ZNF106: variants seen among roughly 807,000 people sequenced by gnomAD.
The protein encoded by ZNF106 is SH3-domain binding protein 3.
A neutral mutation model predicts 195.1 loss-of-function variants in ZNF106; 67 were observed. The observed-to-expected ratio is 0.34, with a 90% CI of 0.28 to 0.42. The LOEUF is 0.42. Ranked by LOEUF, ZNF106 falls within the 10% of genes least tolerant of loss-of-function variation. The pLI, the probability that ZNF106 is intolerant of heterozygous loss-of-function variation, is 1.00. For missense variants in ZNF106, 2,118 were observed against 2,304.5 expected (o/e 0.92, Z 1.66); for synonymous variants, 784 against 818.6 (o/e 0.96, Z 0.72).
In ZNF106 at chr15:42,450,812, G is replaced by C. The variant is rs934390551; in HGVS notation, c.1460C>G (p.Ser487Cys). The C allele has an allele frequency of 6.2e-7, 1 of 1,614,194 alleles. No homozygotes were observed. Among genetic ancestry groups the C allele is most frequent in the East Asian group, 2.2e-5 (1 of 44,892 alleles). The change falls in exon 5 of 22, where the codon TCT becomes TGT. Residue 487 changes from serine (S) to cysteine (C), a missense_variant. Transcript: ENST00000564754. ...LLPCPATKSL[S>C]QKQDPKNISK... Reference sequence around the variant, plus strand: ...GATATTCTTTGGATCTTGCTTTTGAGACAATGATTTAGTGGCTGGACATGG... The same window carrying C: ...GATATTCTTTGGATCTTGCTTTTGACACAATGATTTAGTGGCTGGACATGG...
At chr15:42,431,990 T>C in intron 14 of ZNF106, among the ~76,000 whole-genome samples, 1 of 152,238 alleles carries the variant, frequency 6.6e-6, no homozygotes, top group Non-Finnish European at 1.5e-5. Context: ...GGGTTGTTAA[T>C]GTCCCCAACT....
At chr15:42,452,347 A>T (rs900384418) in intron 4 of ZNF106, among the ~76,000 whole-genome samples, 1 of 151,862 alleles carries the variant, frequency 6.6e-6, no homozygotes, top group Non-Finnish European at 1.5e-5. Flanking sequence ...ACATGGAGAA[A>T]CCCCATCTCT....
In ZNF106 at chr15:42,439,153, G is replaced by C. The variant is rs2055400403; in HGVS notation, c.4424C>G (p.Ser1475Cys). Residue 1475 changes from serine to cysteine, a missense_variant, in exon 11 of 22, where the codon TCT becomes TGT. By Grantham distance (112) the Ser-to-Cys change is moderately radical. Transcript: ENST00000564754. Reference protein sequence around the residue: ...ESGEEKPDSPSKKDIWNSTEQ... With the variant: ...ESGEEKPDSPCKKDIWNSTEQ... ...TGTAGAGTTCCAAATATCCTTTTTAGATGGGCTGTCTGGTTTCTCTTCTCC... is the reference window on the plus strand; with the variant it reads ...TGTAGAGTTCCAAATATCCTTTTTACATGGGCTGTCTGGTTTCTCTTCTCC... 1 of 1,613,902 alleles carries C rather than the reference G, an allele frequency of 6.2e-7. No homozygotes were observed. Among genetic ancestry groups the C allele is most frequent in the Non-Finnish European group, 8.5e-7 (1 of 1,180,020 alleles).
In ZNF106 at chr15:42,472,248, G is replaced by A. The variant is rs147675213; in HGVS notation, c.42C>T (p.Tyr14=). Residue 14 remains tyrosine (Y), a synonymous_variant, in exon 2 of 22, where the codon TAC becomes TAT. Transcript: ENST00000564754. The part of the protein sequence containing the change: ...ERKCILCHIV[Y]SSKKEMDEHM... The stretch of plus-strand genomic sequence containing the variant: ...CTTCCATTATTACCTTTTTTGAGCT[G>A]TACACGATGTGGCATAATATGCATT... The A allele has an allele frequency of 4.3e-5, 66 of 1,535,468 alleles. 1 individual carries two copies. In the East Asian group the frequency reaches 8.1e-4, roughly 19 times the overall value.
At chr15:42,452,037 G>GT in intron 4 of ZNF106, 83 bp from the exon 5 acceptor site, 1 of 1,441,632 alleles carries the variant, frequency 6.9e-7, no homozygotes, top group Non-Finnish European at 9.3e-7. Context: ...AACTTCCCTT[G>GT]TACTTTCCTC....
intron 1 of ZNF106, among the ~76,000 whole-genome samples, chr15:42,482,240 G>A (rs2141453430): frequency 6.6e-6 from 1 of 152,038 alleles, no homozygotes; most frequent in East Asian, 1.9e-4. Context: ...AGTTATAAAA[G>A]TTTAAAATCA....
chr15:42,420,789 AT>A (rs1026859656), intron 20 of ZNF106, among the ~76,000 whole-genome samples: 1 of 152,208 alleles, frequency 6.6e-6, no homozygotes, highest in Non-Finnish European at 1.5e-5. Context: ...GTAATCTCTG[AT>A]GAGCGGGAGT....
chr15:42,433,561 A>G (rs2055147287), intron 14 of ZNF106, among the ~76,000 whole-genome samples: 1 of 143,144 alleles, frequency 7.0e-6, no homozygotes, highest in Non-Finnish European at 1.5e-5. Context: ...TGGCTCACTG[A>G]AATCTCTGCC....
chr15:42,477,649 G>C (rs1318063279), intron 1 of ZNF106, among the ~76,000 whole-genome samples: 1 of 152,226 alleles, frequency 6.6e-6, no homozygotes, highest in Non-Finnish European at 1.5e-5. Flanking sequence ...AACACTTTGG[G>C]AGGCTGAGGC....
At chr15:42,431,007 C>T (rs1397038275) in intron 14 of ZNF106, among the ~76,000 whole-genome samples, 2 of 151,986 alleles carry the variant, frequency 1.3e-5, no homozygotes, top group African/African-American at 2.4e-5. Flanking sequence ...ATTAAAACCA[C>T]GAATTTCCCT....
rs2055784371 is a variant in ZNF106, at chr15:42,446,660, T to G, written c.3136-2A>C. On this transcript the variant is annotated splice_acceptor_variant, in intron 6 of 21. Transcript: ENST00000564754. LOFTEE classifies it high-confidence loss of function. ...TGGGAGTTCAGGAGAAGATCCATCC[T>G]GGAAGGATAAAGAAAACTGAATAAA... The G allele has an allele frequency of 6.3e-7, 1 of 1,598,764 alleles. No individual in the cohort carries two copies. Among genetic ancestry groups the G allele is most frequent in the South Asian group, 1.1e-5 (1 of 88,462 alleles).
At chr15:42,469,579 T>C (rs1338202270) in intron 2 of ZNF106, among the ~76,000 whole-genome samples, 1 of 152,174 alleles carries the variant, frequency 6.6e-6, no homozygotes, top group Non-Finnish European at 1.5e-5. Flanking sequence ...GGCTCACACC[T>C]GTAATTACGC....
chr15:42,431,856 C>T (rs2055058892), intron 14 of ZNF106, among the ~76,000 whole-genome samples: 1 of 152,070 alleles, frequency 6.6e-6, no homozygotes, highest in Admixed American at 6.6e-5. Flanking sequence ...TCAAGTGATC[C>T]ACCCGCCTCA....
chr15:42,439,482 T>C lies in ZNF106; in HGVS notation c.4095A>G (p.Thr1365=). Residue 1365 remains threonine (T), a synonymous_variant, in exon 11 of 22, where the codon ACA becomes ACG. Coordinates refer to ENST00000564754, the MANE Select transcript of ZNF106 (RefSeq NM_001366845.3). ...TCTTGCTTCCCCTAGTCTCAGCTGA[T>C]GTCAAAGTGGATTCTGCCTGTTGTT... is the stretch of plus-strand genomic sequence containing the variant. ...QPEQQAESTL[T]SAETRGSKKK... 6.2e-7 allele frequency: 1 copy of C among 1,614,154 alleles called. No homozygotes were observed. Among genetic ancestry groups the C allele is most frequent in the Non-Finnish European group, 8.5e-7 (1 of 1,180,030 alleles).
intron 15 of ZNF106, among the ~76,000 whole-genome samples, chr15:42,426,179 C>A (rs1008728595): frequency 6.6e-6 from 1 of 152,150 alleles, no homozygotes; most frequent in Non-Finnish European, 1.5e-5. Context: ...TGTTGTGACT[C>A]CAGAAGCACT....
chr15:42,415,505 A>G lies in ZNF106; in HGVS notation c.*1799T>C, dbSNP rs148042984. On this transcript the variant is annotated 3_prime_UTR_variant, in exon 22 of 22. Transcript: ENST00000564754. Reference sequence around the variant, plus strand: ...GAAAAAAGAACACATACTCAGTCTCACACACAATTTCTGGGGGCTCACAGA... The same window carrying G: ...GAAAAAAGAACACATACTCAGTCTCGCACACAATTTCTGGGGGCTCACAGA... 1.1e-5 allele frequency: 5 copies of G among 455,036 alleles called. No individual in the cohort carries two copies. The highest frequency in any genetic ancestry group is 7.8e-5 in the South Asian group (5 of 64,224). The allele number at this position is 455,036 out of a possible 1,614,324, so 28.2% of individuals were successfully genotyped here.
Position 42,459,332 on chromosome 15 carries a change from C to T in ZNF106, c.117-2174G>A, listed in dbSNP as rs536637710. Reference sequence around the variant, plus strand: ...CTCTACTAAAAATACAAAAATTAGACGGGCATGGTGGCGGGCACCTGTAAT... The same window carrying T: ...CTCTACTAAAAATACAAAAATTAGATGGGCATGGTGGCGGGCACCTGTAAT... On this transcript the variant is annotated intron_variant, in intron 3 of 21. Coordinates refer to ENST00000564754, the MANE Select transcript of ZNF106 (RefSeq NM_001366845.3). Among the ~76,000 whole-genome samples the T allele has an allele frequency of 7.2e-5, 11 of 151,998 alleles. No individual in the cohort carries two copies. The South Asian group carries it at 8.3e-4, about 11-fold the overall frequency.
At chr15:42,452,628 T>C (rs182073408) in intron 4 of ZNF106, among the ~76,000 whole-genome samples, 1 of 152,138 alleles carries the variant, frequency 6.6e-6, no homozygotes. Flanking sequence ...ATTATTTTTG[T>C]ATTATGCAGG....
At chr15:42,464,107 C>T (rs975436051) in intron 3 of ZNF106, among the ~76,000 whole-genome samples, 2 of 147,548 alleles carry the variant, frequency 1.4e-5, no homozygotes, top group Admixed American at 6.6e-5. Context: ...TTTGGGAGGC[C>T]GAGGCGGGCA....
Sources: allele counts gnomAD v4.1 joint callset (sites outside exome capture counted in the v4.1 genomes callset), GRCh38; gene constraint gnomAD v4.1.1; transcripts MANE v1.5; gene names NCBI Gene and HGNC (gene_info 2026-07-23, HGNC 2026-07-21).